Variants in CEP164 observed in about 807,000 individuals in gnomAD.
CEP164 encodes centrosomal protein of 164 kDa.
In CEP164, 162 loss-of-function variants were observed where a neutral mutation model predicts 182.7. The observed-to-expected ratio is 0.89, with a 90% CI of 0.78 to 1.01. The LOEUF (loss-of-function observed/expected upper bound fraction) is 1.01, where lower values mean the gene tolerates loss of function less well. Ranked by LOEUF, CEP164 falls within the 50% of genes least tolerant of loss-of-function variation. CEP164 has a pLI of 0.00. For synonymous variants in CEP164, 661 were observed against 690.0 expected (o/e 0.96, Z 0.66); for missense variants, 1,735 against 1,790.4 (o/e 0.97, Z 0.56).
chr11:117,338,794 G>T, intron 3 of CEP164, 126 bp downstream of exon 3: 1 of 751,566 alleles, frequency 1.3e-6, no homozygotes, highest in Non-Finnish European at 2.2e-6. Context: ...AGTATATTCG[G>T]GTTAGATCAA....
In CEP164 at chr11:117,388,458, C is replaced by T. The variant is rs77484429; in HGVS notation, c.1934+1046C>T. On this transcript the variant is annotated intron_variant, in intron 15 of 32. Coordinates refer to ENST00000278935, the MANE Select transcript of CEP164 (RefSeq NM_014956.5). ...GGCTTTCTTCAAACTAGTTCATCACCAGAACCTGTTTCTGTTTATGCCCAA... is the reference window on the plus strand; with the variant it reads ...GGCTTTCTTCAAACTAGTTCATCACTAGAACCTGTTTCTGTTTATGCCCAA... Among the ~76,000 whole-genome samples the T allele has an allele frequency of 2.8e-3, 426 of 152,354 alleles. 6 individuals are homozygous for T. The highest frequency in any genetic ancestry group is 3.0e-3 in the Non-Finnish European group (204 of 68,036).
Position 117,338,338 on chromosome 11 carries a change from T to C in CEP164, c.-21-228T>C, listed in dbSNP as rs535521501. On this transcript the variant is annotated intron_variant, in intron 2 of 32. Transcript: ENST00000278935. ...AGCCAGGCTTGAAGATGTTTTGTGGTTCACCAGGTGTTCATCAAGCCTTTG... is the reference window on the plus strand; with the variant it reads ...AGCCAGGCTTGAAGATGTTTTGTGGCTCACCAGGTGTTCATCAAGCCTTTG... Among the ~76,000 whole-genome samples the C allele has an allele frequency of 8.6e-4, 131 of 152,350 alleles. 1 individual carries two copies. The highest frequency in any genetic ancestry group is 1.6e-3 in the Non-Finnish European group (106 of 68,042).
intron 5 of CEP164, 100 bp downstream of exon 5, chr11:117,352,088 G>A (rs758579846): frequency 3.1e-5 from 30 of 969,548 alleles, no homozygotes; most frequent in Non-Finnish European, 4.1e-5. Context: ...GAAGACAACA[G>A]TCAGAATATG....
rs5795077 is a variant in CEP164, at chr11:117,388,771, CTT to C, written c.1934+1372_1934+1373del. Reference sequence around the variant, plus strand: ...TTTTTACTTAATTCAAATTTTCTCTCTTTTTTTTTTTTTTGAGACAGAGTCTT... The same window carrying C: ...TTTTTACTTAATTCAAATTTTCTCTCTTTTTTTTTTTTGAGACAGAGTCTT... On this transcript the variant is annotated intron_variant, in intron 15 of 32. Coordinates refer to ENST00000278935, the MANE Select transcript of CEP164 (RefSeq NM_014956.5). Among the ~76,000 whole-genome samples, 1,039 of 142,698 alleles carry C rather than the reference CTT, an allele frequency of 7.3e-3. 13 individuals carry two copies. Among genetic ancestry groups the C allele is most frequent in the African/African-American group, 0.022 (848 of 38,948 alleles). 93.6% of individuals were successfully genotyped at this position (142,698 alleles called of 152,430 possible).
chr11:117,359,960 G>A (rs1033566887), intron 5 of CEP164, among the ~76,000 whole-genome samples: 4 of 152,158 alleles, frequency 2.6e-5, no homozygotes, highest in East Asian at 1.9e-4. Context: ...ATTCTGACTC[G>A]TAGCCTGATT....
intron 9 of CEP164, among the ~76,000 whole-genome samples, chr11:117,373,539 C>T (rs12794050): frequency 1.3e-5 from 2 of 152,074 alleles, no homozygotes; most frequent in Non-Finnish European, 1.5e-5. Context: ...CTCTACTCAG[C>T]GGGCTGCCCA....
chr11:117,367,272 T>A (rs2041746366), intron 8 of CEP164, among the ~76,000 whole-genome samples: 1 of 152,244 alleles, frequency 6.6e-6, no homozygotes, highest in Non-Finnish European at 1.5e-5. Context: ...CAACAAATGC[T>A]TCACCTCCTT....
chr11:117,373,008 G>T (rs2042372797), intron 9 of CEP164, among the ~76,000 whole-genome samples: 1 of 152,114 alleles, frequency 6.6e-6, no homozygotes, highest in East Asian at 1.9e-4. Context: ...AGATCCTTTG[G>T]CCTTTTAGAT....
In CEP164 at chr11:117,381,785, C is replaced by T. The variant is rs1405697871; in HGVS notation, c.1494C>T (p.Pro498=). 6 of 1,587,646 alleles carry T rather than the reference C, an allele frequency of 3.8e-6. No homozygotes were observed. The highest frequency in any genetic ancestry group is 1.7e-4 in the Middle Eastern group (1 of 5,956). ...LATEEEPPQG[P]EGQPEWKEAE... ...CTGAAGAAGAGCCTCCCCAGGGCCCCGAGGGGCAGCCCGAGTGGAAGGAGG... is the reference window on the plus strand; with the variant it reads ...CTGAAGAAGAGCCTCCCCAGGGCCCTGAGGGGCAGCCCGAGTGGAAGGAGG... The change falls in exon 13 of 33, where the codon CCC becomes CCT. Residue 498 remains proline (P), a synonymous_variant. Coordinates refer to ENST00000278935, the MANE Select transcript of CEP164 (RefSeq NM_014956.5).
At chr11:117,401,497 A>G (rs1188260304) in intron 27 of CEP164, among the ~76,000 whole-genome samples, 4 of 152,182 alleles carry the variant, frequency 2.6e-5, no homozygotes, top group Non-Finnish European at 4.4e-5. Context: ...GCTTCATAAA[A>G]TGAGTTAGGG....
chr11:117,379,062 G>C (rs2043042016), intron 11 of CEP164, among the ~76,000 whole-genome samples: 4 of 152,180 alleles, frequency 2.6e-5, no homozygotes, highest in Admixed American at 2.6e-4. Context: ...TGTGGTCTGT[G>C]GGGGAAGACA....
chr11:117,323,790 C>A, upstream of CEP164: 1 of 275,374 alleles, frequency 3.6e-6, no homozygotes, highest in East Asian at 1.1e-4. Context: ...GCCATTTTAA[C>A]TGGAATAAGG....
chr11:117,412,333 T>C lies in CEP164; in HGVS notation c.*165T>C. On this transcript the variant is annotated 3_prime_UTR_variant, in exon 33 of 33. Coordinates refer to ENST00000278935, the MANE Select transcript of CEP164 (RefSeq NM_014956.5). ...TGAGTGGAACAGTAAAGCCACACAT[T>C]CTGTGACTATATAACCTATCTCAGG... 1 of 594,290 alleles carries C rather than the reference T, an allele frequency of 1.7e-6. No homozygotes were observed. The allele number at this position is 594,290 out of a possible 1,614,324, so 36.8% of individuals were successfully genotyped here. A position where few individuals can be genotyped will look rare whatever the true frequency, so the allele number is the denominator to read the frequency against.
At chr11:117,366,471 A>G (rs1022862578) in intron 8 of CEP164, among the ~76,000 whole-genome samples, 1 of 152,158 alleles carries the variant, frequency 6.6e-6, no homozygotes, top group Admixed American at 6.5e-5. Flanking sequence ...CTGAAGAGAG[A>G]GAGGTTCATG....
rs2047402642 is a variant in CEP164, at chr11:117,411,938, C to T, written c.4286+21C>T. On this transcript the variant is annotated intron_variant, in intron 32 of 32. Coordinates refer to ENST00000278935, the MANE Select transcript of CEP164 (RefSeq NM_014956.5). This position sits in a 1 kb window ranked among gnomAD's most constrained non-coding sequence, Gnocchi z 4.4. Reference sequence around the variant, plus strand: ...AGGTTGTATCCTTTTACCTGGTTCCCAAACTGGGCTGGGCTGTGGGGACTG... The same window carrying T: ...AGGTTGTATCCTTTTACCTGGTTCCTAAACTGGGCTGGGCTGTGGGGACTG... 6.2e-7 allele frequency: 1 copy of T among 1,613,624 alleles called. No homozygotes were observed.
At chr11:117,328,772 AT>A (rs1321473987) in intron 1 of CEP164, among the ~76,000 whole-genome samples, 3 of 152,184 alleles carry the variant, frequency 2.0e-5, no homozygotes, top group Admixed American at 2.0e-4. Flanking sequence ...TACAGCAAAC[AT>A]TTGTCGGACA....
At chr11:117,387,595 A>C (rs1001484726) in intron 15 of CEP164, among the ~76,000 whole-genome samples, 183 bp downstream of exon 15, 12 of 152,172 alleles carry the variant, frequency 7.9e-5, no homozygotes, top group Admixed American at 3.3e-4. Flanking sequence ...TGCAGAGAAC[A>C]CTCGGAAATG....
chr11:117,392,720 T>C (rs2044832759), intron 19 of CEP164, 93 bp downstream of exon 19: 1 of 1,514,342 alleles, frequency 6.6e-7, no homozygotes, highest in South Asian at 1.3e-5. Flanking sequence ...GCCTCCAGTT[T>C]GCTTTGGATG....
Position 117,391,023 on chromosome 11 carries a change from G to T in CEP164, c.2091G>T (p.Gln697His), listed in dbSNP as rs756721304. 3.1e-6 allele frequency: 5 copies of T among 1,614,158 alleles called. No homozygotes were observed. In the East Asian group the frequency reaches 1.1e-4, roughly 36 times the overall value. The change falls in exon 17 of 33, where the codon CAG (glutamine) becomes CAT (histidine). Residue 697 changes from glutamine to histidine, a missense_variant. Gln to His is a conservative substitution (Grantham distance 24). Coordinates refer to ENST00000278935, the MANE Select transcript of CEP164 (RefSeq NM_014956.5). Reference sequence around the variant, plus strand: ...GGGCTGAGCAAGAGGCTTCCCTGCAGAAACTGAGAGAAGAGTTGGAGTCTC... The same window carrying T: ...GGGCTGAGCAAGAGGCTTCCCTGCATAAACTGAGAGAAGAGTTGGAGTCTC... ...QIRAEQEASL[Q>H]KLREELESQQ...
Sources: gnomAD v4.1 joint callset for allele counts (sites outside exome capture counted in the v4.1 genomes callset) on GRCh38, gnomAD v4.1.1 for gene constraint, Gnocchi (gnomAD v3.1) non-coding constraint, MANE v1.5 for transcripts, NCBI Gene and HGNC (gene_info 2026-07-23, HGNC 2026-07-21) for gene names.